The following CRACDL variants were observed in gnomAD, a reference collection of about 807,000 sequenced individuals.
CRACDL encodes CRACD-like protein.
CRACDL carries 26 observed loss-of-function variants against 70.6 expected under a neutral mutation model. The ratio of observed to expected loss-of-function variants is 0.37; its 90% CI spans 0.27 to 0.51. The LOEUF (loss-of-function observed/expected upper bound fraction) is 0.51, where lower values mean the gene tolerates loss of function less well. Ranked by LOEUF, CRACDL falls within the 20% of genes least tolerant of loss-of-function variation. The probability of loss-of-function intolerance (pLI) is 0.94; values close to 1 mark genes in which losing one functional copy is unlikely to be tolerated. For synonymous variants in CRACDL, 618 were observed against 615.2 expected, an observed-to-expected ratio of 1.00 and a Z score of -0.07; for missense variants, 1,283 against 1,376.9, an observed-to-expected ratio of 0.93 and a Z score of 1.08.
intron 5 of CRACDL, among the ~76,000 whole-genome samples, chr2:98,829,091 G>A (rs1296531718): frequency 6.6e-6 from 1 of 152,256 alleles, no homozygotes; most frequent in Non-Finnish European, 1.5e-5. Flanking sequence ...CTTTGCAAGT[G>A]CAGTAAGAAT....
chr2:98,873,923 T>A (rs1436199550), intron 1 of CRACDL, among the ~76,000 whole-genome samples: 1 of 152,210 alleles, frequency 6.6e-6, no homozygotes, highest in African/African-American at 2.4e-5. Flanking sequence ...CAACAATTGC[T>A]TGAACCCAGG....
At chr2:98,922,223 C>G (rs1196208474) in intron 1 of CRACDL, among the ~76,000 whole-genome samples, 1 of 151,890 alleles carries the variant, frequency 6.6e-6, no homozygotes, top group Non-Finnish European at 1.5e-5. Flanking sequence ...ATCATGAGGT[C>G]AAGAGTTCGA....
chr2:98,842,336 T>G (rs1173274908), intron 2 of CRACDL, among the ~76,000 whole-genome samples: 1 of 151,688 alleles, frequency 6.6e-6, no homozygotes, highest in East Asian at 1.9e-4. Flanking sequence ...TAAAATAAAA[T>G]TTTAATAATT....
intron 1 of CRACDL, among the ~76,000 whole-genome samples, chr2:98,925,683 C>A (rs1372792030): frequency 2.0e-5 from 3 of 152,138 alleles, no homozygotes; most frequent in Non-Finnish European, 2.9e-5. Context: ...GCTATGCAAT[C>A]CTGCCAAAGT....
At chr2:98,880,964 T>A (rs1175409769) in intron 1 of CRACDL, among the ~76,000 whole-genome samples, 2 of 152,214 alleles carry the variant, frequency 1.3e-5, no homozygotes, top group African/African-American at 4.8e-5. Flanking sequence ...CTTGAGGGGC[T>A]GTGAGCTAAA....
chr2:98,797,569 A>G (rs1318631446), intron 7 of CRACDL, 32 bp from the exon 8 acceptor site: 2 of 1,603,374 alleles, frequency 1.2e-6, no homozygotes, highest in African/African-American at 1.3e-5. Context: ...TTATAGAAAC[A>G]GTCCTATTCC....
At chr2:98,830,908 G>A (rs75222909) in intron 5 of CRACDL, among the ~76,000 whole-genome samples, 6,462 of 152,296 alleles carry the variant, frequency 0.042, 248 homozygotes, top group South Asian at 0.18. Flanking sequence ...TGTGGGATGG[G>A]AGGAGGGGGA....
intron 1 of CRACDL, among the ~76,000 whole-genome samples, chr2:98,861,540 T>C (rs1049802202): frequency 6.6e-6 from 1 of 152,158 alleles, no homozygotes; most frequent in Non-Finnish European, 1.5e-5. Flanking sequence ...ATGTGAAACG[T>C]AAAATTACCA....
At chr2:98,920,552 C>T (rs1260558598) in intron 1 of CRACDL, among the ~76,000 whole-genome samples, 1 of 152,164 alleles carries the variant, frequency 6.6e-6, no homozygotes, top group Non-Finnish European at 1.5e-5. Flanking sequence ...TGAAACTCCT[C>T]TGTCCCCTCC....
chr2:98,861,764 G>C (rs1264247164), intron 1 of CRACDL, among the ~76,000 whole-genome samples: 2 of 152,128 alleles, frequency 1.3e-5, no homozygotes, highest in Non-Finnish European at 2.9e-5. Flanking sequence ...GGGAAGGACT[G>C]GGGGGTACAT....
At chr2:98,846,477 C>T (rs890015903) in intron 2 of CRACDL, among the ~76,000 whole-genome samples, 1 of 152,178 alleles carries the variant, frequency 6.6e-6, no homozygotes, top group African/African-American at 2.4e-5. Flanking sequence ...ATGCTTACCT[C>T]CAGAAAGGAG....
In CRACDL at chr2:98,826,993, C is replaced by G; in HGVS notation, c.717G>C (p.Lys239Asn). The change falls in exon 6 of 10, where the codon AAG (lysine) becomes AAC (asparagine). Residue 239 changes from lysine to asparagine, a missense_variant. Physicochemically the swap from Lys to Asn is moderately conservative, Grantham distance 94. Around this residue, in one of 2 missense-constraint regions of CRACDL, gnomAD observed 362 missense variants for 495.0 expected, o/e 0.73. Transcript: ENST00000397899. ...QVKPRNQRSSKMRRLSSRAQS... is the reference protein window; with the variant it reads ...QVKPRNQRSSNMRRLSSRAQS... ...CAATTACCGATGAGAGCCGCCTCAT[C>G]TTACTCGACCGCTGGTTGCGGGGCT... 2.5e-6 allele frequency: 4 copies of G among 1,613,606 alleles called. No homozygotes were observed. The highest frequency in any genetic ancestry group is 3.4e-6 in the Non-Finnish European group (4 of 1,179,744).
At chr2:98,933,749 T>TACCTTCACATCTATTCTCTCATTA (rs1709141905) in intron 1 of CRACDL, among the ~76,000 whole-genome samples, 1 of 152,152 alleles carries the variant, frequency 6.6e-6, no homozygotes, top group Non-Finnish European at 1.5e-5. Flanking sequence ...GGAGGCCTGG[T>TACCTTCACATCTATTCTCTCATTA]ACCTTCACAT....
At chr2:98,824,036 A>G (rs1037266317) in intron 6 of CRACDL, among the ~76,000 whole-genome samples, 8 of 152,214 alleles carry the variant, frequency 5.3e-5, no homozygotes, top group Non-Finnish European at 7.3e-5. Context: ...CCTCCCAGCC[A>G]GTCTCCCATG....
intron 3 of CRACDL, among the ~76,000 whole-genome samples, chr2:98,834,876 A>C (rs1031699775): frequency 6.6e-6 from 1 of 152,244 alleles, no homozygotes; most frequent in African/African-American, 2.4e-5. Context: ...AACAACAACA[A>C]GAAAACCAAA....
chr2:98,921,705 G>A (rs1342637967), intron 1 of CRACDL, among the ~76,000 whole-genome samples: 3 of 152,182 alleles, frequency 2.0e-5, no homozygotes, highest in East Asian at 1.9e-4. Context: ...ATCCTGAGAC[G>A]TGCTCAGAAG....
At chr2:98,854,134 T>C (rs1187135750) in intron 1 of CRACDL, among the ~76,000 whole-genome samples, 1 of 151,490 alleles carries the variant, frequency 6.6e-6, no homozygotes, top group Non-Finnish European at 1.5e-5. Context: ...ATACAAAAAT[T>C]AGCTGGGCGT....
chr2:98,862,134 C>G (rs1706963847), intron 1 of CRACDL, among the ~76,000 whole-genome samples: 1 of 152,150 alleles, frequency 6.6e-6, no homozygotes, highest in Admixed American at 6.6e-5. Flanking sequence ...TCAAAAGCAA[C>G]TACATAAGGG....
chr2:98,830,631 C>T (rs1365447383), intron 5 of CRACDL, among the ~76,000 whole-genome samples: 1 of 152,120 alleles, frequency 6.6e-6, no homozygotes, highest in Admixed American at 6.5e-5. Context: ...TCCTATGAAG[C>T]TGGTAGATTG....
Sources: allele counts gnomAD v4.1 joint callset (sites outside exome capture counted in the v4.1 genomes callset), GRCh38; gene constraint gnomAD v4.1.1; regional missense constraint gnomAD v4.1.1; transcripts MANE v1.5; gene names NCBI Gene and HGNC (gene_info 2026-07-23, HGNC 2026-07-21).